The following CFAP61 variants were observed in gnomAD, a reference collection of about 807,000 sequenced individuals.
CFAP61 encodes cilia and flagella associated protein 61.
In CFAP61, 107 loss-of-function variants were observed where a neutral mutation model predicts 135.6. The observed-to-expected ratio is 0.79, with a 90% CI of 0.67 to 0.93. The LOEUF is 0.93. CFAP61 is among the 40% of genes least tolerant of loss of function. The pLI, the probability that CFAP61 is intolerant of heterozygous loss-of-function variation, is 0.00. For synonymous variants in CFAP61, 575 were observed against 578.5 expected (o/e 0.99, Z 0.09); for missense variants, 1,507 against 1,556.2 (o/e 0.97, Z 0.53).
rs75899602 is a variant in CFAP61, at chr20:20,100,631, T to G, written c.859+1817T>G. ...GTAAGTCCTGAACATTTAAAAATAT[T>G]TTTTCCCCTGTGGCTGTTGTAATGA... On this transcript the variant is annotated intron_variant, in intron 8 of 26. Coordinates refer to ENST00000245957, the MANE Select transcript of CFAP61 (RefSeq NM_015585.4). Among the ~76,000 whole-genome samples, 364 of 151,910 alleles carry G rather than the reference T, an allele frequency of 2.4e-3. 2 individuals are homozygous for G. The highest frequency in any genetic ancestry group is 4.3e-3 in the Non-Finnish European group (292 of 67,980).
At chr20:20,264,154 T>G (rs1299154577) in intron 21 of CFAP61, among the ~76,000 whole-genome samples, 1 of 152,214 alleles carries the variant, frequency 6.6e-6, no homozygotes, top group Non-Finnish European at 1.5e-5. Context: ...TTCAGTGCGT[T>G]GCTGGATTCA....
chr20:20,224,434 C>T (rs543575496), intron 17 of CFAP61, among the ~76,000 whole-genome samples: 2 of 152,182 alleles, frequency 1.3e-5, no homozygotes, highest in East Asian at 3.9e-4. Flanking sequence ...CCTACCTAAG[C>T]AATGGAATCT....
chr20:20,169,051 A>C (rs113970125), intron 12 of CFAP61, among the ~76,000 whole-genome samples: 1 of 152,178 alleles, frequency 6.6e-6, no homozygotes, highest in Non-Finnish European at 1.5e-5. Context: ...CTACTTCCAC[A>C]GAAGAGTTAT....
chr20:20,340,944 C>T (rs2058421200), intron 25 of CFAP61, among the ~76,000 whole-genome samples: 3 of 152,126 alleles, frequency 2.0e-5, no homozygotes, highest in Non-Finnish European at 2.9e-5. Context: ...CTAGTGCCCC[C>T]GTGGCCCCTG....
Position 20,298,303 on chromosome 20 carries a change from C to T in CFAP61, c.3339C>T (p.Tyr1113=), listed in dbSNP as rs766363226. The change falls in exon 25 of 27, where the codon TAC becomes TAT. Residue 1113 remains tyrosine (Y), a synonymous_variant. Coordinates refer to ENST00000245957, the MANE Select transcript of CFAP61 (RefSeq NM_015585.4). Reference sequence around the variant, plus strand: ...GGGAGCCCTTCCCCGCCTCCAACTACATCCGCTTGTTTGGCCAGCACGAGC... The same window carrying T: ...GGGAGCCCTTCCCCGCCTCCAACTATATCCGCTTGTTTGGCCAGCACGAGC... ...LSREPFPASN[Y]IRLFGQHEQL... The T allele has an allele frequency of 2.5e-6, 4 of 1,614,176 alleles. No homozygotes were observed. Among genetic ancestry groups the T allele is most frequent in the Non-Finnish European group, 3.4e-6 (4 of 1,180,014 alleles).
chr20:20,083,998 A>G lies in CFAP61; in HGVS notation c.567-6846A>G, dbSNP rs554976850. Among the ~76,000 whole-genome samples the G allele has an allele frequency of 1.0e-3, 159 of 152,272 alleles. 2 individuals carry two copies. The highest frequency in any genetic ancestry group is 6.8e-3 in the Middle Eastern group (2 of 294). On this transcript the variant is annotated intron_variant, in intron 6 of 26. Coordinates refer to ENST00000245957, the MANE Select transcript of CFAP61 (RefSeq NM_015585.4). ...AGATTTGATTTTCTTAAAGAAGACC[A>G]CTAGAGGTCACAAGAGATCTTGAAA...
intron 13 of CFAP61, among the ~76,000 whole-genome samples, 189 bp downstream of exon 13, chr20:20,169,649 G>A (rs994912006): frequency 6.6e-6 from 1 of 152,190 alleles, no homozygotes. Context: ...GATTTGTCCT[G>A]TCAGATATTA....
intron 25 of CFAP61, among the ~76,000 whole-genome samples, chr20:20,309,069 C>T (rs1201108758): frequency 6.6e-6 from 1 of 152,156 alleles, no homozygotes; most frequent in Non-Finnish European, 1.5e-5. Context: ...GCCTGCCTGC[C>T]TAAATTTTTT....
chr20:20,224,271 A>G (rs1298848247), intron 17 of CFAP61, among the ~76,000 whole-genome samples: 2 of 152,130 alleles, frequency 1.3e-5, no homozygotes, highest in Admixed American at 6.6e-5. Context: ...AAACATTAAC[A>G]TTTGCTCATT....
intron 17 of CFAP61, chr20:20,225,709 C>T (rs1389860654): frequency 6.6e-6 from 1 of 152,150 alleles, no homozygotes; most frequent in Non-Finnish European, 1.5e-5. Flanking sequence ...GGCTTCTGAC[C>T]TCTGTCAAGA....
intron 8 of CFAP61, among the ~76,000 whole-genome samples, chr20:20,105,738 T>G (rs930572072): frequency 1.3e-5 from 2 of 151,444 alleles, no homozygotes; most frequent in African/African-American, 4.8e-5. Context: ...TTCACACCAT[T>G]CTCCTGCCTC....
chr20:20,310,702 T>C (rs2056769984), intron 25 of CFAP61, among the ~76,000 whole-genome samples: 1 of 152,204 alleles, frequency 6.6e-6, no homozygotes, highest in South Asian at 2.1e-4. Context: ...TTTGTGGAAC[T>C]GAGAAACTGC....
intron 24 of CFAP61, among the ~76,000 whole-genome samples, chr20:20,296,030 CTTTT>C (rs1180052206): frequency 0.011 from 747 of 70,422 alleles, 6 homozygotes; most frequent in East Asian, 0.012. Context: ...TTCCTTCTTT[CTTTT>C]CTTCCTCCCT....
At position 20,199,509 on chromosome 20, in the gene CFAP61, A is replaced by G. The variant is rs530689546; in HGVS notation, c.1798-259A>G. On this transcript the variant is annotated intron_variant, in intron 16 of 26. Transcript: ENST00000245957. ...GAAAATACTTGTACTGAAAAATCCC[A>G]TAAACCAAACCACTTGTTTATCTGT... Among the ~76,000 whole-genome samples, 10 of 152,352 alleles carry G rather than the reference A, an allele frequency of 6.6e-5. No individual in the cohort carries two copies. In the East Asian group the frequency reaches 1.2e-3, roughly 18 times the overall value.
chr20:20,161,946 G>C (rs1031450770), intron 10 of CFAP61, among the ~76,000 whole-genome samples: 5 of 152,140 alleles, frequency 3.3e-5, no homozygotes, highest in African/African-American at 7.2e-5. Context: ...CCCCAAACTT[G>C]GTGGCTTATA....
intron 24 of CFAP61, among the ~76,000 whole-genome samples, chr20:20,297,787 G>C (rs1383355485): frequency 6.6e-6 from 1 of 152,180 alleles, no homozygotes; most frequent in Admixed American, 6.5e-5. Context: ...TTTCTGATCA[G>C]TTTTGACTAG....
chr20:20,134,966 C>T (rs2050806992), intron 8 of CFAP61, among the ~76,000 whole-genome samples: 1 of 110,824 alleles, frequency 9.0e-6, no homozygotes, highest in Non-Finnish European at 2.1e-5. Context: ...CTGTAAATGT[C>T]ACCTTTTTTT....
At chr20:20,086,123 A>G (rs952223901) in intron 6 of CFAP61, among the ~76,000 whole-genome samples, 1 of 150,338 alleles carries the variant, frequency 6.7e-6, no homozygotes, top group African/African-American at 2.5e-5. Flanking sequence ...ACCAAGTCTT[A>G]GCATTGAAGT....
chr20:20,106,048 A>G (rs2048385495), intron 8 of CFAP61, among the ~76,000 whole-genome samples: 1 of 105,492 alleles, frequency 9.5e-6, no homozygotes, highest in Non-Finnish European at 1.8e-5. Context: ...ATATATATAT[A>G]TAAAATTTGA....
Sources: allele counts gnomAD v4.1 joint callset (sites outside exome capture counted in the v4.1 genomes callset), GRCh38; gene constraint gnomAD v4.1.1; transcripts MANE v1.5; gene names NCBI Gene and HGNC (gene_info 2026-07-23, HGNC 2026-07-21).